RNF145: variants seen among roughly 807,000 people sequenced by gnomAD.
RNF145 encodes ring finger protein 145.
Under a neutral mutation model 57.3 loss-of-function variants are expected in RNF145, and 12 were observed. The ratio of observed to expected loss-of-function variants is 0.21; its 90% CI spans 0.13 to 0.34. RNF145 has a LOEUF of 0.34. RNF145 is among the 10% of genes least tolerant of loss of function. RNF145 has a pLI of 1.00. For missense variants in RNF145, 429 were observed against 799.0 expected, an observed-to-expected ratio of 0.54 and a Z score of 5.58; for synonymous variants, 262 against 288.3, an observed-to-expected ratio of 0.91 and a Z score of 0.92.
intron 2 of RNF145, 38 bp from the exon 3 acceptor site, chr5:159,194,862 A>G: frequency 7.3e-7 from 1 of 1,367,634 alleles, no homozygotes. Context: ...ATTTTAATTT[A>G]GTTTCCCAAT....
intron 3 of RNF145, 79 bp from the exon 4 acceptor site, chr5:159,182,130 A>T: frequency 1.2e-6 from 1 of 802,894 alleles, no homozygotes; most frequent in Non-Finnish European, 2.1e-6. Flanking sequence ...AAAGCATATT[A>T]TGTTAATGAT....
chr5:159,168,640 G>C (rs986187852), intron 8 of RNF145, among the ~76,000 whole-genome samples: 2 of 151,750 alleles, frequency 1.3e-5, no homozygotes, highest in South Asian at 4.2e-4. Context: ...ATAATTACAT[G>C]GCCTTTGATG....
At position 159,165,718 on chromosome 5, in the gene RNF145, AAAAAAAAAAAAAAAAT is replaced by A. The variant is rs1784372952; in HGVS notation, c.1122-2655_1122-2640del. On this transcript the variant is annotated intron_variant, in intron 8 of 10. Coordinates refer to ENST00000424310, the MANE Select transcript of RNF145 (RefSeq NM_001199383.2). ...AAAAAAAAAAAAAAAAAAAAAAAAA[AAAAAAAAAAAAAAAAT>A]AATAATATCCTACATTATCATCTTT... 2.7e-4 allele frequency among the ~76,000 whole-genome samples: 2 copies of A among 7,278 alleles called. 1 individual carries two copies. The highest frequency in any genetic ancestry group is 4.2e-4 in the Non-Finnish European group (2 of 4,724). 4.8% of individuals were successfully genotyped at this position (7,278 alleles called of 152,430 possible). A position where few individuals can be genotyped will look rare whatever the true frequency, so the allele number is the denominator to read the frequency against.
upstream of RNF145, chr5:159,209,557 G>T (rs1388574981): frequency 6.1e-6 from 6 of 989,570 alleles, no homozygotes; most frequent in South Asian, 4.5e-5. Flanking sequence ...GCTCTGCGGC[G>T]GCCGCGGCCC....
At chr5:159,166,818 T>C (rs1480874281) in intron 8 of RNF145, among the ~76,000 whole-genome samples, 1 of 152,172 alleles carries the variant, frequency 6.6e-6, no homozygotes, top group Non-Finnish European at 1.5e-5. Flanking sequence ...CTCTTATAGT[T>C]TGAAAGTATT....
At chr5:159,174,810 G>A (rs967379987) in intron 5 of RNF145, among the ~76,000 whole-genome samples, 1 of 151,392 alleles carries the variant, frequency 6.6e-6, no homozygotes, top group East Asian at 1.9e-4. Context: ...TTAATAATCT[G>A]CAACTCACTA....
chr5:159,174,171 G>T lies in RNF145; in HGVS notation c.622-13C>A. 6.4e-7 allele frequency: 1 copy of T among 1,573,802 alleles called. No homozygotes were observed. The highest frequency in any genetic ancestry group is 8.6e-7 in the Non-Finnish European group (1 of 1,160,734). ...ATACCTCCACTACCTAAATAAAAAC[G>T]TAAGATAGGAAAACTTCTTGCATCA... On this transcript the variant is annotated splice_polypyrimidine_tract_variant and intron_variant, in intron 5 of 10. Transcript: ENST00000424310.
At position 159,209,361 on chromosome 5, in the gene RNF145, G is replaced by T; in HGVS notation, c.-170C>A. 1.0e-6 allele frequency: 1 copy of T among 986,038 alleles called. No individual in the cohort carries two copies. The highest frequency in any genetic ancestry group is 1.2e-6 in the Non-Finnish European group (1 of 830,086). The allele number at this position is 986,038 out of a possible 1,614,324, so 61.1% of individuals were successfully genotyped here. ...GGGCCGGTACGGCACGGCTCACAGCGGCGGCTCTTCTGCGCCGAGCCTCGG... is the reference window on the plus strand; with the variant it reads ...GGGCCGGTACGGCACGGCTCACAGCTGCGGCTCTTCTGCGCCGAGCCTCGG... On this transcript the variant is annotated 5_prime_UTR_variant, in exon 1 of 11. Coordinates refer to ENST00000424310, the MANE Select transcript of RNF145 (RefSeq NM_001199383.2).
intron 4 of RNF145, among the ~76,000 whole-genome samples, chr5:159,179,324 T>C (rs1784808378): frequency 6.6e-6 from 1 of 152,160 alleles, no homozygotes; most frequent in Non-Finnish European, 1.5e-5. Context: ...CTGATTTGCC[T>C]ATTTCAACTT....
intron 6 of RNF145, among the ~76,000 whole-genome samples, chr5:159,173,782 G>A (rs1784629103): frequency 6.6e-6 from 1 of 152,054 alleles, no homozygotes; most frequent in Non-Finnish European, 1.5e-5. Context: ...GGTCCATAGT[G>A]CAGCCAAATA....
chr5:159,165,193 G>A (rs1441118383), intron 8 of RNF145, among the ~76,000 whole-genome samples: 2 of 152,214 alleles, frequency 1.3e-5, no homozygotes, highest in African/African-American at 4.8e-5. Flanking sequence ...ACAGGTGAAG[G>A]CCTGGAGAAT....
chr5:159,158,166 C>G lies in RNF145; in HGVS notation c.*504G>C. The G allele has an allele frequency of 6.2e-6, 1 of 161,636 alleles. No individual in the cohort carries two copies. The highest frequency in any genetic ancestry group is 1.4e-5 in the Non-Finnish European group (1 of 72,814). The allele number at this position is 161,636 out of a possible 1,614,324, so 10.0% of individuals were successfully genotyped here. On this transcript the variant is annotated 3_prime_UTR_variant, in exon 11 of 11. Coordinates refer to ENST00000424310, the MANE Select transcript of RNF145 (RefSeq NM_001199383.2). ...GTGCTGTACAAGACTCAATAATCAC[C>G]TGACTGAGCTCCAATTAACTGAGGA...
chr5:159,168,889 C>A lies in RNF145; in HGVS notation c.1105G>T (p.Gly369Ter). Residue 369 changes from glycine (G) to a stop codon, truncating the protein, a stop_gained, in exon 8 of 11, where the codon GGA (glycine) becomes TGA (stop). Transcript: ENST00000424310. LOFTEE classifies it high-confidence loss of function. Reference protein sequence around the residue: ...EIADPIVLALGASRDKSLWKH... With the variant: ...EIADPIVLAL ...GTTTCTTACTTGTCTCTAGATGCTC[C>A]CAGTGCCAAAACAATAGGATCTGCA... 1 of 1,560,306 alleles carries A rather than the reference C, an allele frequency of 6.4e-7. No individual in the cohort carries two copies. The highest frequency in any genetic ancestry group is 1.2e-5 in the South Asian group (1 of 81,094).
chr5:159,162,993 A>T lies in RNF145; in HGVS notation c.1208T>A (p.Phe403Tyr), dbSNP rs1442537283. 6.2e-7 allele frequency: 1 copy of T among 1,613,644 alleles called. No individual in the cohort carries two copies. Among genetic ancestry groups the T allele is most frequent in the South Asian group, 1.1e-5 (1 of 90,908 alleles). The change falls in exon 9 of 11, where the codon TTT (phenylalanine) becomes TAT (tyrosine). Residue 403 changes from phenylalanine to tyrosine, a missense_variant. Physicochemically the swap from Phe to Tyr is conservative, Grantham distance 22. Transcript: ENST00000424310. The stretch of plus-strand genomic sequence containing the variant: ...AAGAAGCCAAAAATCCATGTGGAAA[A>T]ACTGGCAAATCATATAAGCCATATA... ...PAYMAYMICQ[F>Y]FHMDFWLLII...
intron 1 of RNF145, chr5:159,207,420 G>A (rs1785930905): frequency 8.6e-6 from 10 of 1,163,674 alleles, no homozygotes; most frequent in African/African-American, 1.5e-5. Flanking sequence ...AAACTATTCA[G>A]TACAATACTT....
chr5:159,208,205 C>G (rs994228127), intron 1 of RNF145: 41 of 1,306,502 alleles, frequency 3.1e-5, no homozygotes, highest in Non-Finnish European at 3.5e-5. Flanking sequence ...GGCAGCGCAG[C>G]AGCAGTAGCA....
chr5:159,164,426 TATGA>T (rs1784328642), intron 8 of RNF145, among the ~76,000 whole-genome samples: 1 of 152,172 alleles, frequency 6.6e-6, no homozygotes, highest in Non-Finnish European at 1.5e-5. Flanking sequence ...TCAAGCCAGC[TATGA>T]TTTATATGAA....
intron 8 of RNF145, among the ~76,000 whole-genome samples, chr5:159,166,372 T>G (rs959367608): frequency 1.3e-5 from 2 of 152,224 alleles, no homozygotes; most frequent in African/African-American, 4.8e-5. Flanking sequence ...TATTAATCAT[T>G]AAATGTATTA....
At chr5:159,186,605 GC>G (rs1174963503) in intron 3 of RNF145, among the ~76,000 whole-genome samples, 1 of 152,090 alleles carries the variant, frequency 6.6e-6, no homozygotes, top group East Asian at 1.9e-4. Flanking sequence ...TTCCTTATAT[GC>G]CTACTAAACA....
Sources: allele counts gnomAD v4.1 joint callset (sites outside exome capture counted in the v4.1 genomes callset), GRCh38; gene constraint gnomAD v4.1.1; transcripts MANE v1.5; gene names NCBI Gene and HGNC (gene_info 2026-07-23, HGNC 2026-07-21).